The following CPEB3 variants were observed in gnomAD, a reference collection of about 807,000 sequenced individuals.
CPEB3 encodes the protein cytoplasmic polyadenylation element-binding protein 3.
In CPEB3, 20 loss-of-function variants were observed where a neutral mutation model predicts 67.2. That is an observed-to-expected ratio of 0.30 (90% CI 0.21 to 0.43). The LOEUF (loss-of-function observed/expected upper bound fraction) is 0.43. Among genes scored for constraint, CPEB3 ranks in the 20% least tolerant of loss-of-function variants. The pLI is 1.00. For synonymous variants in CPEB3, 376 were observed against 393.1 expected (o/e 0.96, Z 0.51); for missense variants, 746 against 968.6 (o/e 0.77, Z 3.05).
rs1590161529 is a variant in CPEB3, at chr10:92,111,020, CTATTCCAATAGCA to C, written c.1572+43_1572+55del. 9 of 1,172,072 alleles carry C rather than the reference CTATTCCAATAGCA, an allele frequency of 7.7e-6. No individual in the cohort carries two copies. The East Asian group carries it at 2.1e-4, about 27-fold the overall frequency. 72.6% of individuals were successfully genotyped at this position (1,172,072 alleles called of 1,614,324 possible). A position where few individuals can be genotyped will look rare whatever the true frequency, so the allele number is the denominator to read the frequency against. On this transcript the variant is annotated intron_variant, in intron 7 of 9. Transcript: ENST00000265997. Reference sequence around the variant, plus strand: ...TCCATTATCAGAAAGAGGAGGTCAGCTATTCCAATAGCATATGTGCTCTGGAAAAGCAACAGCT... The same window carrying C: ...TCCATTATCAGAAAGAGGAGGTCAGCTATGTGCTCTGGAAAAGCAACAGCT...
intron 9 of CPEB3, among the ~76,000 whole-genome samples, chr10:92,067,453 T>C (rs578116759): frequency 2.6e-5 from 4 of 151,128 alleles, no homozygotes; most frequent in Non-Finnish European, 5.9e-5. Context: ...TGAGCCAAGA[T>C]AGCACCACTG....
intron 1 of CPEB3, among the ~76,000 whole-genome samples, chr10:92,264,715 CAA>C (rs773984330): frequency 2.2e-4 from 13 of 58,764 alleles, no homozygotes; most frequent in Admixed American, 1.9e-4. Flanking sequence ...GACTCCGTCT[CAA>C]AAAAAAAAAA....
chr10:92,086,212 G>C (rs563997072), intron 8 of CPEB3, among the ~76,000 whole-genome samples: 1 of 152,278 alleles, frequency 6.6e-6, no homozygotes, highest in South Asian at 2.1e-4. Flanking sequence ...AAGAGGCATA[G>C]GGCACCTTAA....
At chr10:92,131,913 G>A (rs902884757) in intron 6 of CPEB3, among the ~76,000 whole-genome samples, 29 of 152,184 alleles carry the variant, frequency 1.9e-4, no homozygotes, top group African/African-American at 5.8e-4. Flanking sequence ...TAACAGAAAT[G>A]TAATATGACT....
At position 92,091,911 on chromosome 10, in the gene CPEB3, C is replaced by T; in HGVS notation, c.1606G>A (p.Asp536Asn). Residue 536 changes from aspartate (D) to asparagine (N), a missense_variant, in exon 8 of 10, where the codon GAC becomes AAC. Asp to Asn is a conservative substitution (Grantham distance 23). Transcript: ENST00000265997. ...GGCTGAGAACCATCCATTACAAAGTCACTGTCACTTAGGTTCCATGGTCGA... is the reference window on the plus strand; with the variant it reads ...GGCTGAGAACCATCCATTACAAAGTTACTGTCACTTAGGTTCCATGGTCGA... ...QIRPWNLSDS[D>N]FVMDGSQPLD... 6.2e-7 allele frequency: 1 copy of T among 1,613,652 alleles called. No individual in the cohort carries two copies. Among genetic ancestry groups the T allele is most frequent in the Non-Finnish European group, 8.5e-7 (1 of 1,179,880 alleles).
At chr10:92,219,860 T>C (rs1187780647) in intron 2 of CPEB3, among the ~76,000 whole-genome samples, 1 of 152,156 alleles carries the variant, frequency 6.6e-6, no homozygotes, top group Non-Finnish European at 1.5e-5. Context: ...CAAAATATGA[T>C]AAAAGTCAAT....
chr10:92,218,111 C>T (rs79224506), intron 2 of CPEB3, among the ~76,000 whole-genome samples: 7,151 of 151,900 alleles, frequency 0.047, 250 homozygotes, highest in Non-Finnish European at 0.067. Context: ...GACCCTATCT[C>T]AAAAAACAAC....
At chr10:92,142,912 T>G in intron 6 of CPEB3, 117 bp downstream of exon 6, 1 of 643,894 alleles carries the variant, frequency 1.6e-6, no homozygotes, top group Non-Finnish European at 2.8e-6. Flanking sequence ...TTAAAATGTT[T>G]TCCTAATTGG....
intron 6 of CPEB3, among the ~76,000 whole-genome samples, chr10:92,127,805 A>G (rs1177029490): frequency 1.3e-5 from 2 of 152,160 alleles, no homozygotes; most frequent in East Asian, 1.9e-4. Flanking sequence ...CATAGTGGGT[A>G]AGGGAGAGAA....
rs189427739 is a variant in CPEB3, at chr10:92,276,763, G to T, written c.-12+14163C>A. Among the ~76,000 whole-genome samples, 26 of 152,300 alleles carry T rather than the reference G, an allele frequency of 1.7e-4. No individual in the cohort carries two copies. In the East Asian group the frequency reaches 4.6e-3, roughly 27 times the overall value. On this transcript the variant is annotated intron_variant, in intron 1 of 9. Coordinates refer to ENST00000265997, the MANE Select transcript of CPEB3 (RefSeq NM_014912.5). The stretch of plus-strand genomic sequence containing the variant: ...TGTTTAACATTTTGAGAAAATGCCA[G>T]ACTGTTTTCCAAAGCAACTGCACCA...
chr10:92,094,563 C>T (rs574151738), intron 7 of CPEB3, among the ~76,000 whole-genome samples: 16 of 151,256 alleles, frequency 1.1e-4, no homozygotes, highest in Non-Finnish European at 2.2e-4. Flanking sequence ...GATCACGTCA[C>T]TGCACTCCAG....
intron 1 of CPEB3, among the ~76,000 whole-genome samples, chr10:92,278,120 G>A (rs1842079289): frequency 6.6e-6 from 1 of 151,886 alleles, no homozygotes; most frequent in South Asian, 2.1e-4. Flanking sequence ...AGGAAGAGGA[G>A]GTTGCAGTGA....
rs993708898 is a variant in CPEB3 at position 92,051,923 on chromosome 10, G to A, written c.*289C>T. 1.6e-5 allele frequency: 5 copies of A among 307,302 alleles called. No homozygotes were observed. The highest frequency in any genetic ancestry group is 1.4e-4 in the Admixed American group (3 of 21,780). The allele number at this position is 307,302 out of a possible 1,614,324, so 19.0% of individuals were successfully genotyped here. On this transcript the variant is annotated 3_prime_UTR_variant, in exon 10 of 10. Transcript: ENST00000265997. ...TGATGAGAATGGCAGTCTACATACT[G>A]TCACGAGTGACAAATCAGGTATAAA... is the stretch of plus-strand genomic sequence containing the variant.
At chr10:92,128,833 C>A (rs1022782449) in intron 6 of CPEB3, among the ~76,000 whole-genome samples, 23 of 151,968 alleles carry the variant, frequency 1.5e-4, no homozygotes, top group African/African-American at 5.3e-4. Context: ...ACTAAAAAGT[C>A]AAAAAATAAC....
intron 2 of CPEB3, among the ~76,000 whole-genome samples, chr10:92,202,313 A>T (rs146436371): frequency 6.6e-6 from 1 of 152,184 alleles, no homozygotes; most frequent in African/African-American, 2.4e-5. Context: ...AAACCTATGG[A>T]TCCATATACA....
At chr10:92,064,174 C>T (rs541270225) in intron 9 of CPEB3, among the ~76,000 whole-genome samples, 1 of 152,220 alleles carries the variant, frequency 6.6e-6, no homozygotes, top group East Asian at 1.9e-4. Flanking sequence ...AACTTGAGGT[C>T]ATGGGTGTGA....
At chr10:92,110,668 C>T (rs1385570783) in intron 7 of CPEB3, among the ~76,000 whole-genome samples, 6 of 152,214 alleles carry the variant, frequency 3.9e-5, no homozygotes, top group Non-Finnish European at 8.8e-5. Context: ...TACCACCCAG[C>T]ACAATGCCTT....
chr10:92,192,632 C>T lies in CPEB3; in HGVS notation c.1010G>A (p.Arg337Gln), dbSNP rs773978774. The part of the protein sequence containing the change: ...NGNNLLPFQD[R>Q]SRPYDTFNLH... Reference sequence around the variant, plus strand: ...GTTAAAAGTATCATAGGGCCTACTCCGGTCCTAAGAATAAAAACAAAAACA... The same window carrying T: ...GTTAAAAGTATCATAGGGCCTACTCTGGTCCTAAGAATAAAAACAAAAACA... Residue 337 changes from arginine to glutamine, a missense_variant, in exon 3 of 10, where the codon CGG becomes CAG. Physicochemically the swap from Arg to Gln is conservative, Grantham distance 43 (BLOSUM62 1). Coordinates refer to ENST00000265997, the MANE Select transcript of CPEB3 (RefSeq NM_014912.5). 2 of 1,580,418 alleles carry T rather than the reference C, an allele frequency of 1.3e-6. No individual in the cohort carries two copies. The highest frequency in any genetic ancestry group is 2.3e-5 in the East Asian group (1 of 44,434).
At chr10:92,180,881 G>T in intron 4 of CPEB3, 82 bp downstream of exon 4, 1 of 808,280 alleles carries the variant, frequency 1.2e-6, no homozygotes, top group Non-Finnish European at 2.2e-6. Flanking sequence ...AGGTTAAAAT[G>T]TAACCAACAA....
Sources: allele counts gnomAD v4.1 joint callset (sites outside exome capture counted in the v4.1 genomes callset), GRCh38; gene constraint gnomAD v4.1.1; transcripts MANE v1.5; gene names NCBI Gene and HGNC (gene_info 2026-07-23, HGNC 2026-07-21).